RIPK3: variants seen among roughly 807,000 people sequenced by gnomAD.
RIPK3 encodes receptor interacting serine/threonine kinase 3, also known as receptor-interacting serine/threonine-protein kinase 3.
A neutral mutation model predicts 51.6 loss-of-function variants in RIPK3; 51 were observed. That is an observed-to-expected ratio of 0.99 (90% CI 0.79 to 1.25). The LOEUF (loss-of-function observed/expected upper bound fraction) is 1.25. RIPK3 is among the 50% of genes most tolerant of loss of function. The pLI, the probability that RIPK3 is intolerant of heterozygous loss-of-function variation, is 0.00. For missense variants in RIPK3, 654 were observed against 650.4 expected, an observed-to-expected ratio of 1.01 and a Z score of -0.06; for synonymous variants, 246 against 257.7, an observed-to-expected ratio of 0.95 and a Z score of 0.44.
rs2042171533 is a variant in RIPK3 at position 24,339,705 on chromosome 14, C to T, written c.20+102G>A. On this transcript the variant is annotated intron_variant, in intron 1 of 9. Coordinates refer to ENST00000216274, the MANE Select transcript of RIPK3 (RefSeq NM_006871.4). This position sits in a 1 kb window ranked among gnomAD's most constrained non-coding sequence, Gnocchi z 4.0. ...TGCAATCCCCAGCCTCCCTCGCCGG[C>T]CCCCACCGTCCCCGGACTCAAAGAC... 3 of 1,577,562 alleles carry T rather than the reference C, an allele frequency of 1.9e-6. No individual in the cohort carries two copies. Among genetic ancestry groups the T allele is most frequent in the South Asian group, 1.2e-5 (1 of 86,036 alleles).
Position 24,338,002 on chromosome 14 carries a change from T to G in RIPK3, c.703A>C (p.Asn235His). 9 of 1,614,194 alleles carry G rather than the reference T, an allele frequency of 5.6e-6. No individual in the cohort carries two copies. Among genetic ancestry groups the G allele is most frequent in the Non-Finnish European group, 7.6e-6 (9 of 1,180,050 alleles). Residue 235 changes from asparagine to histidine, a missense_variant, in exon 6 of 10, where the codon AAC (asparagine) becomes CAC (histidine). By Grantham distance (68) the Asn-to-His change is moderately conservative. Transcript: ENST00000216274. ...GCCAATGAAGGCCGGTTCTGCCTGTTGCACACTGCTTCGTACACGAGTGAT... is the reference window on the plus strand; with the variant it reads ...GCCAATGAAGGCCGGTTCTGCCTGTGGCACACTGCTTCGTACACGAGTGAT... The part of the protein sequence containing the change: ...EPSLVYEAVC[N>H]RQNRPSLAEL...
At chr14:24,336,854 C>G in intron 9 of RIPK3, 31 bp downstream of exon 9, 1 of 1,584,514 alleles carries the variant, frequency 6.3e-7, no homozygotes, top group South Asian at 1.1e-5. Flanking sequence ...AAGAATTGAA[C>G]AGGGAAAAGA....
Position 24,336,130 on chromosome 14 carries a change from C to T in RIPK3, c.*45G>A, listed in dbSNP as rs754017796. 1 of 1,583,670 alleles carries T rather than the reference C, an allele frequency of 6.3e-7. No individual in the cohort carries two copies. Among genetic ancestry groups the T allele is most frequent in the South Asian group, 1.1e-5 (1 of 87,250 alleles). ...AAGTCAGGGGCCTCAAGGGGTGGCA[C>T]TCTTCCTTAACTCGTAACTCTTGGA... On this transcript the variant is annotated 3_prime_UTR_variant, in exon 10 of 10. Coordinates refer to ENST00000216274, the MANE Select transcript of RIPK3 (RefSeq NM_006871.4).
rs1358343303 is a variant in RIPK3, at chr14:24,337,085, C to T, written c.1275+1G>A. 3.1e-6 allele frequency: 5 copies of T among 1,612,376 alleles called. No homozygotes were observed. The Admixed American group carries it at 6.7e-5, about 21-fold the overall frequency. The stretch of plus-strand genomic sequence containing the variant: ...ATCCCCTAATCCTGTCAATGTCTCA[C>T]CTGATTCCCTCGGGGTCCAGGACTT... On this transcript the variant is annotated splice_donor_variant, in intron 8 of 9. Transcript: ENST00000216274. LOFTEE classifies it high-confidence loss of function.
At position 24,338,269 on chromosome 14, in the gene RIPK3, A is replaced by C. The variant is rs2042155820; in HGVS notation, c.644T>G (p.Leu215Arg). Residue 215 changes from leucine to arginine, a missense_variant, in exon 5 of 10, where the codon CTT becomes CGT. Leu to Arg is a moderately radical substitution (Grantham distance 102). Coordinates refer to ENST00000216274, the MANE Select transcript of RIPK3 (RefSeq NM_006871.4). The part of the protein sequence containing the change: ...YSFGILMWAV[L>R]AGREVELPTE... ...CTTACACTCAACTTCTCTTCCAGCA[A>C]GCACTGCCCACATTAGGATCCCGAA... The C allele has an allele frequency of 6.6e-7, 1 of 1,523,472 alleles. No individual in the cohort carries two copies. Among genetic ancestry groups the C allele is most frequent in the African/African-American group, 1.4e-5 (1 of 71,910 alleles). The allele number at this position is 1,523,472 out of a possible 1,614,324, so 94.4% of individuals were successfully genotyped here.
Position 24,336,081 on chromosome 14 carries a change from G to A in RIPK3, c.*94C>T, listed in dbSNP as rs1459888948. On this transcript the variant is annotated 3_prime_UTR_variant, in exon 10 of 10. Transcript: ENST00000216274. ...GGACAGGTCACAAAGTCAGTTTGTG[G>A]GCAGGCCAGACTGCCCTAGAAGGAA... The A allele has an allele frequency of 3.1e-6, 4 of 1,294,408 alleles. No homozygotes were observed. The highest frequency in any genetic ancestry group is 2.8e-4 in the Middle Eastern group (1 of 3,624). The allele number at this position is 1,294,408 out of a possible 1,614,324, so 80.2% of individuals were successfully genotyped here.
At position 24,339,818 on chromosome 14, in the gene RIPK3, G is replaced by C. The variant is rs141928243; in HGVS notation, c.9C>G (p.Cys3Trp). The C allele has an allele frequency of 3.2e-6, 5 of 1,574,874 alleles. No homozygotes were observed. In the South Asian group the frequency reaches 4.7e-5, roughly 15 times the overall value. MS[C>W]VKLWPSGAPA... ...CACTCCCTACTCACCATAACTTGAC[G>C]CACGACATCAGGCTGGAAGGTGCCA... The change falls in exon 1 of 10, where the codon TGC becomes TGG. Residue 3 changes from cysteine to tryptophan, a missense_variant. Physicochemically the swap from Cys to Trp is radical, Grantham distance 215. Coordinates refer to ENST00000216274, the MANE Select transcript of RIPK3 (RefSeq NM_006871.4). The surrounding 1 kb of genome is among the most constrained non-coding windows in gnomAD (Gnocchi z 4.0).
chr14:24,338,575 G>A lies in RIPK3; in HGVS notation c.472-8C>T. ...CAGGCCAAAATCTGCCAGCTGCAAA[G>A]GAAGGAAAGAAGTGGGAGGTAGGGA... On this transcript the variant is annotated splice_region_variant and splice_polypyrimidine_tract_variant and intron_variant, in intron 3 of 9. Transcript: ENST00000216274. The A allele has an allele frequency of 6.3e-7, 1 of 1,592,796 alleles. No homozygotes were observed. Among genetic ancestry groups the A allele is most frequent in the East Asian group, 2.3e-5 (1 of 44,302 alleles).
chr14:24,338,746 TGA>T, intron 3 of RIPK3, 179 bp from the exon 4 acceptor site: 1 of 895,682 alleles, frequency 1.1e-6, no homozygotes, highest in South Asian at 1.8e-5. Flanking sequence ...GGTCAAGGTC[TGA>T]GTCTCCAGGG....
Position 24,338,254 on chromosome 14 carries a change from A to G in RIPK3, c.659T>C (p.Val220Ala). 1 of 1,523,606 alleles carries G rather than the reference A, an allele frequency of 6.6e-7. No individual in the cohort carries two copies. Among genetic ancestry groups the G allele is most frequent in the Non-Finnish European group, 8.8e-7 (1 of 1,136,092 alleles). 94.4% of individuals were successfully genotyped at this position (1,523,606 alleles called of 1,614,324 possible). A position where few individuals can be genotyped will look rare whatever the true frequency, so the allele number is the denominator to read the frequency against. Residue 220 changes from valine to alanine, a missense_variant, in exon 5 of 10, where the codon GTT (valine) becomes GCT (alanine). Transcript: ENST00000216274. ...LMWAVLAGRE[V>A]ELPTEPSLVY... is the part of the protein sequence containing the mutation. ...GAATCCTCCTAGAGTCTTACACTCA[A>G]CTTCTCTTCCAGCAAGCACTGCCCA...
chr14:24,336,145 T>C lies in RIPK3; in HGVS notation c.*30A>G. ...AGGGGTGGCACTCTTCCTTAACTCG[T>C]AACTCTTGGAGGCAAGCTTGGAAGG... On this transcript the variant is annotated 3_prime_UTR_variant, in exon 10 of 10. Transcript: ENST00000216274. 1 of 1,599,846 alleles carries C rather than the reference T, an allele frequency of 6.3e-7. No individual in the cohort carries two copies. Among genetic ancestry groups the C allele is most frequent in the Non-Finnish European group, 8.5e-7 (1 of 1,171,576 alleles).
intron 9 of RIPK3, 113 bp from the exon 10 acceptor site, chr14:24,336,508 C>T (rs2042137263): frequency 1.4e-6 from 2 of 1,422,218 alleles, no homozygotes; most frequent in Non-Finnish European, 1.9e-6. Context: ...CAAGGTGTGC[C>T]CTGTGCTCCT....
At chr14:24,336,762 A>C (rs1440342733) in intron 9 of RIPK3, 123 bp downstream of exon 9, 2 of 945,574 alleles carry the variant, frequency 2.1e-6, no homozygotes, top group Non-Finnish European at 3.5e-6. Flanking sequence ...TGAAATGAGA[A>C]GGTTGAGTTA....
chr14:24,338,280 C>T lies in RIPK3; in HGVS notation c.633G>A (p.Met211Ile). The change falls in exon 5 of 10, where the codon ATG becomes ATA. Residue 211 changes from methionine to isoleucine, a missense_variant. Met to Ile is a conservative substitution (Grantham distance 10). Coordinates refer to ENST00000216274, the MANE Select transcript of RIPK3 (RefSeq NM_006871.4). ...ASDVYSFGIL[M>I]WAVLAGREVE... Reference sequence around the variant, plus strand: ...CTTCTCTTCCAGCAAGCACTGCCCACATTAGGATCCCGAAGCTGCAGGAGA... The same window carrying T: ...CTTCTCTTCCAGCAAGCACTGCCCATATTAGGATCCCGAAGCTGCAGGAGA... 1 of 1,524,988 alleles carries T rather than the reference C, an allele frequency of 6.6e-7. No homozygotes were observed. Among genetic ancestry groups the T allele is most frequent in the Non-Finnish European group, 8.8e-7 (1 of 1,136,354 alleles). The allele number at this position is 1,524,988 out of a possible 1,614,324, so 94.5% of individuals were successfully genotyped here.
chr14:24,336,618 C>T (rs3181251), intron 9 of RIPK3: 162,640 of 695,924 alleles, frequency 0.23, 20,942 homozygotes, highest in Admixed American at 0.36. Context: ...GTCCTCTGGA[C>T]TGCTGAAACA....
chr14:24,338,325 C>G, intron 4 of RIPK3, 30 bp from the exon 5 acceptor site: 1 of 1,534,574 alleles, frequency 6.5e-7, no homozygotes, highest in South Asian at 1.3e-5. Context: ...GAGGATCGGT[C>G]CAATCACTGG....
Position 24,339,130 on chromosome 14 carries a change from C to A in RIPK3, c.356G>T (p.Arg119Leu), listed in dbSNP as rs1225660905. ...CCCAAGCACCACTTCTTTCAGCAGG[C>A]GGCAAAGGAGCGGCCAGGGCCGAGG... ...QCPRPWPLLC[R>L]LLKEVVLGMF... Residue 119 changes from arginine (R) to leucine (L), a missense_variant, in exon 3 of 10, where the codon CGC becomes CTC. Coordinates refer to ENST00000216274, the MANE Select transcript of RIPK3 (RefSeq NM_006871.4). This position sits in a 1 kb window ranked among gnomAD's most constrained non-coding sequence, Gnocchi z 4.0. 1.2e-6 allele frequency: 2 copies of A among 1,614,064 alleles called. No individual in the cohort carries two copies. Among genetic ancestry groups the A allele is most frequent in the South Asian group, 2.2e-5 (2 of 91,088 alleles).
At chr14:24,338,228 A>G (rs762195451) in intron 5 of RIPK3, 21 bp downstream of exon 5, 70 of 1,531,384 alleles carry the variant, frequency 4.6e-5, no homozygotes, top group Admixed American at 6.2e-5. Flanking sequence ...TAAGGATCCC[A>G]GAATCCTCCT....
Position 24,339,197 on chromosome 14 carries a change from TG to T in RIPK3, c.288del (p.Phe96LeufsTer26). 1 of 1,614,246 alleles carries T rather than the reference TG, an allele frequency of 6.2e-7. No homozygotes were observed. Among genetic ancestry groups the T allele is most frequent in the East Asian group, 2.2e-5 (1 of 44,890 alleles). ...AGCCCCGACAAGGAGCCGTTCTCCA[TG>T]AATTTAGTCACCAGAGCCGGCTTGG... ...QDPKPALVTK[F>X]MENGSLSGLL... On this transcript the variant is annotated frameshift_variant, in exon 3 of 10. Coordinates refer to ENST00000216274, the MANE Select transcript of RIPK3 (RefSeq NM_006871.4). LOFTEE classifies it high-confidence loss of function. The surrounding 1 kb of genome is among the most constrained non-coding windows in gnomAD (Gnocchi z 4.0).
Sources: allele counts gnomAD v4.1 joint callset, GRCh38; gene constraint gnomAD v4.1.1; non-coding constraint Gnocchi (gnomAD v3.1); transcripts MANE v1.5; gene names NCBI Gene and HGNC (gene_info 2026-07-23, HGNC 2026-07-21).